Variants in NELL1 observed in about 807,000 individuals in gnomAD.
NELL1 encodes protein kinase C-binding protein NELL1.
NELL1 carries 76 observed loss-of-function variants against 107.4 expected under a neutral mutation model. The observed-to-expected ratio is 0.71, with a 90% CI of 0.59 to 0.86. The LOEUF is 0.86. Ranked by LOEUF, NELL1 falls within the 40% of genes least tolerant of loss-of-function variation. The pLI is 0.00. For synonymous variants in NELL1, 353 were observed against 341.2 expected, an observed-to-expected ratio of 1.03 and a Z score of -0.38; for missense variants, 1,024 against 1,005.5, an observed-to-expected ratio of 1.02 and a Z score of -0.25.
chr11:20,705,358 C>T (rs1222685099), intron 2 of NELL1, among the ~76,000 whole-genome samples: 3 of 152,066 alleles, frequency 2.0e-5, no homozygotes, highest in Non-Finnish European at 2.9e-5. Context: ...AGAAATAATG[C>T]CGCATATCTA....
chr11:20,966,051 C>G (rs1297934424), intron 12 of NELL1, among the ~76,000 whole-genome samples: 2 of 152,114 alleles, frequency 1.3e-5, no homozygotes, highest in Admixed American at 6.6e-5. Context: ...CCAGTTTCTT[C>G]TCAAGTGTGG....
At chr11:21,347,399 T>C (rs1850708604) in intron 14 of NELL1, among the ~76,000 whole-genome samples, 1 of 152,050 alleles carries the variant, frequency 6.6e-6, no homozygotes, top group Non-Finnish European at 1.5e-5. Context: ...GGTCGGGAGT[T>C]TGAGACCAGC....
chr11:21,201,142 A>G (rs1249955793), intron 13 of NELL1, among the ~76,000 whole-genome samples: 1 of 152,092 alleles, frequency 6.6e-6, no homozygotes, highest in African/African-American at 2.4e-5. Flanking sequence ...ATGAAATTTA[A>G]AGTAGTTTTT....
intron 14 of NELL1, among the ~76,000 whole-genome samples, chr11:21,236,795 G>A (rs1483791021): frequency 1.3e-5 from 2 of 152,090 alleles, no homozygotes; most frequent in Non-Finnish European, 2.9e-5. Flanking sequence ...CACTGAACAT[G>A]CTGGACGGTC....
At chr11:20,925,803 A>G (rs1166583780) in intron 7 of NELL1, among the ~76,000 whole-genome samples, 1 of 152,174 alleles carries the variant, frequency 6.6e-6, no homozygotes, top group Non-Finnish European at 1.5e-5. Flanking sequence ...AGAAATTCCA[A>G]AAGCTTGGAG....
intron 3 of NELL1, among the ~76,000 whole-genome samples, chr11:20,805,483 A>T (rs1273785097): frequency 2.7e-5 from 4 of 150,512 alleles, no homozygotes; most frequent in South Asian, 2.2e-4. Context: ...GTGTTTTTAG[A>T]TTTGCAAATA....
At chr11:21,280,781 G>T (rs1452310232) in intron 14 of NELL1, among the ~76,000 whole-genome samples, 1 of 152,076 alleles carries the variant, frequency 6.6e-6, no homozygotes, top group Non-Finnish European at 1.5e-5. Flanking sequence ...AACAATTTAA[G>T]TTCCAATTAA....
chr11:20,826,217 T>C (rs903354862), intron 3 of NELL1, among the ~76,000 whole-genome samples: 1 of 151,362 alleles, frequency 6.6e-6, no homozygotes, highest in Admixed American at 6.6e-5. Flanking sequence ...TGGACTAATA[T>C]AGTAGTCCAG....
At chr11:20,954,287 A>G (rs1356849534) in intron 11 of NELL1, among the ~76,000 whole-genome samples, 2 of 152,194 alleles carry the variant, frequency 1.3e-5, no homozygotes, top group African/African-American at 4.8e-5. Context: ...GTAGCAGATT[A>G]TTTGGGGTTC....
At chr11:21,311,132 A>T (rs1849741338) in intron 14 of NELL1, among the ~76,000 whole-genome samples, 1 of 152,146 alleles carries the variant, frequency 6.6e-6, no homozygotes, top group Non-Finnish European at 1.5e-5. Flanking sequence ...AAACTGATAC[A>T]TTTGTAAAAA....
intron 5 of NELL1, among the ~76,000 whole-genome samples, chr11:20,915,717 A>ATATATATATATATATATATTT: frequency 1.5e-3 from 90 of 58,200 alleles, no homozygotes; most frequent in African/African-American, 5.0e-3. Context: ...ATATATATAT[A>ATATATATATATATATATATTT]TTTTTTTTTT....
At chr11:21,301,791 A>G (rs1849496822) in intron 14 of NELL1, among the ~76,000 whole-genome samples, 1 of 151,784 alleles carries the variant, frequency 6.6e-6, no homozygotes, top group South Asian at 2.1e-4. Context: ...ACAAAAGCCA[A>G]CAGAAGGCAA....
chr11:21,513,552 T>C (rs1381678200), intron 15 of NELL1, among the ~76,000 whole-genome samples: 2 of 152,162 alleles, frequency 1.3e-5, no homozygotes, highest in African/African-American at 2.4e-5. Context: ...AACTGCAAAA[T>C]AGGCCTAGTT....
At chr11:21,287,225 C>T (rs1398833768) in intron 14 of NELL1, among the ~76,000 whole-genome samples, 1 of 152,060 alleles carries the variant, frequency 6.6e-6, no homozygotes, top group African/African-American at 2.4e-5. Context: ...AATCTGGCAA[C>T]CCCTCTTTTT....
chr11:20,879,138 G>GT (rs1849361066), intron 4 of NELL1, among the ~76,000 whole-genome samples: 2 of 152,004 alleles, frequency 1.3e-5, no homozygotes, highest in African/African-American at 4.8e-5. Flanking sequence ...GGGCCCAAGG[G>GT]TACTAGGAAA....
At chr11:21,400,321 A>G (rs921443054) in intron 15 of NELL1, among the ~76,000 whole-genome samples, 1 of 151,838 alleles carries the variant, frequency 6.6e-6, no homozygotes, top group African/African-American at 2.4e-5. Flanking sequence ...GAAGCATCCA[A>G]TTTTATTAAA....
intron 10 of NELL1, among the ~76,000 whole-genome samples, chr11:20,945,817 G>A (rs1850950295): frequency 6.6e-6 from 1 of 152,174 alleles, no homozygotes; most frequent in South Asian, 2.1e-4. Flanking sequence ...TCTGGATTGA[G>A]GATTAAAAAT....
At chr11:21,496,243 T>A (rs551718596) in intron 15 of NELL1, among the ~76,000 whole-genome samples, 1 of 152,010 alleles carries the variant, frequency 6.6e-6, no homozygotes. Flanking sequence ...CATATTATCA[T>A]TGCATTCCCA....
At chr11:21,387,815 A>G (rs1851781803) in intron 15 of NELL1, among the ~76,000 whole-genome samples, 1 of 151,556 alleles carries the variant, frequency 6.6e-6, no homozygotes, top group Non-Finnish European at 1.5e-5. Context: ...AGGTTAATAC[A>G]CTCTTCCTTG....
Sources: gnomAD v4.1 joint callset for allele counts (sites outside exome capture counted in the v4.1 genomes callset) on GRCh38, gnomAD v4.1.1 for gene constraint, MANE v1.5 for transcripts, NCBI Gene and HGNC (gene_info 2026-07-23, HGNC 2026-07-21) for gene names.